TRMT6: variants seen among roughly 807,000 people sequenced by gnomAD.
TRMT6 encodes the protein tRNA methyltransferase 6 non-catalytic subunit.
TRMT6 carries 34 observed loss-of-function variants against 59.0 expected under a neutral mutation model. That is an observed-to-expected ratio of 0.58 (90% CI 0.44 to 0.77). The LOEUF is 0.77. Ranked by LOEUF, TRMT6 falls within the 30% of genes least tolerant of loss-of-function variation. TRMT6 has a pLI of 0.00. For synonymous variants in TRMT6, 217 were observed against 210.5 expected, an observed-to-expected ratio of 1.03 and a Z score of -0.27; for missense variants, 575 against 604.5, an observed-to-expected ratio of 0.95 and a Z score of 0.51.
chr20:5,941,750 C>T (rs2088657903), intron 8 of TRMT6: 1 of 597,986 alleles, frequency 1.7e-6, no homozygotes, highest in Non-Finnish European at 3.0e-6. Context: ...GATTCAATTT[C>T]TTCTGAAACC....
At chr20:5,949,198 CAAA>C (rs59540636) in intron 1 of TRMT6, among the ~76,000 whole-genome samples, 1 of 107,408 alleles carries the variant, frequency 9.3e-6, no homozygotes. Context: ...ACTAAAAATA[CAAA>C]AAAAAAAAAA....
At chr20:5,938,866 T>C (rs1267321282) in intron 10 of TRMT6, 140 bp from the exon 11 acceptor site, 1 of 718,734 alleles carries the variant, frequency 1.4e-6, no homozygotes, top group Non-Finnish European at 2.2e-6. Context: ...TTTCTTTTCT[T>C]TTCCCTCCCT....
rs777613042 is a variant in TRMT6 at position 5,944,798 on chromosome 20, A to G, written c.366+7T>C. 7 of 1,605,108 alleles carry G rather than the reference A, an allele frequency of 4.4e-6. No homozygotes were observed. Among genetic ancestry groups the G allele is most frequent in the South Asian group, 2.2e-5 (2 of 90,706 alleles). On this transcript the variant is annotated splice_region_variant and intron_variant, in intron 3 of 10. Coordinates refer to ENST00000203001, the MANE Select transcript of TRMT6 (RefSeq NM_015939.5). ...AAAAACAAAACTAAAAATCCTTTGA[A>G]TATTACCTCTCCTTTAATGCCCTTG...
rs1279770423 is a variant in TRMT6 at position 5,946,657 on chromosome 20, C to T, written c.129-124G>A. 7.0e-6 allele frequency: 6 copies of T among 855,556 alleles called. No homozygotes were observed. The Middle Eastern group carries it at 1.2e-3, about 174-fold the overall frequency. The allele number at this position is 855,556 out of a possible 1,614,324, so 53.0% of individuals were successfully genotyped here. The stretch of plus-strand genomic sequence containing the variant: ...GATGATCAGCAGCATTATCTCTGAA[C>T]ATAAAGCAACAAAGGAACTAGAGAG... On this transcript the variant is annotated intron_variant, in intron 1 of 10. Transcript: ENST00000203001.
intron 1 of TRMT6, among the ~76,000 whole-genome samples, chr20:5,949,198 CA>C (rs59540636): frequency 0.025 from 2,694 of 107,324 alleles, 63 homozygotes; most frequent in African/African-American, 0.061. Context: ...ACTAAAAATA[CA>C]AAAAAAAAAA....
At chr20:5,944,966 CTTTCTT>C in intron 2 of TRMT6, 52 bp from the exon 3 acceptor site, 1 of 1,435,102 alleles carries the variant, frequency 7.0e-7, no homozygotes, top group South Asian at 1.2e-5. Flanking sequence ...TTATTTGACA[CTTTCTT>C]TTTCTGAGTT....
At chr20:5,938,914 T>TCCTC (rs1026685863) in intron 10 of TRMT6, among the ~76,000 whole-genome samples, 188 bp from the exon 11 acceptor site, 2 of 146,694 alleles carry the variant, frequency 1.4e-5, no homozygotes, top group Admixed American at 6.8e-5. Context: ...TTCCCTTCCT[T>TCCTC]CCTCCCTCCC....
chr20:5,942,094 A>G, intron 7 of TRMT6, 58 bp from the exon 8 acceptor site: 1 of 1,394,360 alleles, frequency 7.2e-7, no homozygotes, highest in Non-Finnish European at 1.0e-6. Flanking sequence ...AATTTATGGA[A>G]ATGCTCTGGC....
At chr20:5,948,102 C>T (rs965631647) in intron 1 of TRMT6, among the ~76,000 whole-genome samples, 3 of 151,974 alleles carry the variant, frequency 2.0e-5, no homozygotes, top group East Asian at 1.9e-4. Context: ...CCTGGGGGAC[C>T]GAGTGAGATC....
chr20:5,945,326 G>C (rs1013804807), intron 2 of TRMT6, among the ~76,000 whole-genome samples: 1 of 152,274 alleles, frequency 6.6e-6, no homozygotes, highest in East Asian at 1.9e-4. Context: ...TCTGTTCCTT[G>C]AACACACCCA....
chr20:5,947,096 G>T (rs576417134), intron 1 of TRMT6, among the ~76,000 whole-genome samples: 1 of 152,126 alleles, frequency 6.6e-6, no homozygotes, highest in Non-Finnish European at 1.5e-5. Flanking sequence ...TAATTCTCAC[G>T]GTAATCCTGG....
rs1474234312 is a variant in TRMT6, at chr20:5,937,972, AAAAT to A, written c.*559_*562del. The A allele has an allele frequency of 6.6e-6, 1 of 152,268 alleles. No homozygotes were observed. Among genetic ancestry groups the A allele is most frequent in the African/African-American group, 2.4e-5 (1 of 41,470 alleles). The allele number at this position is 152,268 out of a possible 1,614,324, so 9.4% of individuals were successfully genotyped here. ...CTTTCTATGCACAAAAAAGAGCAGTAAAATAAATACTCAGAACTTTCCCAGGTTG... is the reference window on the plus strand; with the variant it reads ...CTTTCTATGCACAAAAAAGAGCAGTAAAATACTCAGAACTTTCCCAGGTTG... On this transcript the variant is annotated 3_prime_UTR_variant, in exon 11 of 11. Transcript: ENST00000203001.
At chr20:5,940,286 T>C (rs532388411) in intron 10 of TRMT6, among the ~76,000 whole-genome samples, 52 of 152,324 alleles carry the variant, frequency 3.4e-4, no homozygotes, top group African/African-American at 1.3e-3. Context: ...TCTTAGCATA[T>C]GTCTTCCAGA....
intron 8 of TRMT6, 47 bp downstream of exon 8, chr20:5,941,904 G>C (rs2088659210): frequency 6.8e-7 from 1 of 1,472,812 alleles, no homozygotes; most frequent in African/African-American, 1.4e-5. Context: ...GTCTGAAGCA[G>C]AGCCCACATG....
At chr20:5,943,425 C>T in intron 6 of TRMT6, 134 bp downstream of exon 6, 7 of 1,153,566 alleles carry the variant, frequency 6.1e-6, no homozygotes, top group Non-Finnish European at 8.7e-6. Context: ...ATGCTAGGAG[C>T]CGTGCAGGTT....
intron 1 of TRMT6, 90 bp from the exon 2 acceptor site, chr20:5,946,623 T>G: frequency 8.1e-7 from 1 of 1,229,428 alleles, no homozygotes; most frequent in Non-Finnish European, 1.2e-6. Context: ...AAAAGTGGTC[T>G]CCACAATGGA....
At chr20:5,941,401 G>T in intron 8 of TRMT6, 56 bp from the exon 9 acceptor site, 1 of 1,232,628 alleles carries the variant, frequency 8.1e-7, no homozygotes, top group Non-Finnish European at 1.2e-6. Flanking sequence ...TGGAGCACAG[G>T]TTTTAAAATG....
At position 5,950,366 on chromosome 20, in the gene TRMT6, G is replaced by T; in HGVS notation, c.40C>A (p.His14Asn). 6.2e-7 allele frequency: 1 copy of T among 1,610,050 alleles called. No homozygotes were observed. ...SGEQPGPQPQ[H>N]PGDHRIRDGD... ...TCGCGGATGCGGTGGTCTCCGGGAT[G>T]CTGTGGTTGTGGGCCCGGCTGCTCC... Residue 14 changes from histidine to asparagine, a missense_variant, in exon 1 of 11, where the codon CAT (histidine) becomes AAT (asparagine). Transcript: ENST00000203001.
chr20:5,944,519 G>A (rs2088688053), intron 3 of TRMT6, among the ~76,000 whole-genome samples: 1 of 152,214 alleles, frequency 6.6e-6, no homozygotes, highest in African/African-American at 2.4e-5. Flanking sequence ...ACTAATTTCT[G>A]AAGACACTGG....
Sources: allele counts gnomAD v4.1 joint callset (sites outside exome capture counted in the v4.1 genomes callset), GRCh38; gene constraint gnomAD v4.1.1; transcripts MANE v1.5; gene names NCBI Gene and HGNC (gene_info 2026-07-23, HGNC 2026-07-21).